POLQ: variants seen among roughly 807,000 people sequenced by gnomAD.
The protein encoded by POLQ is epididymis secretory sperm binding protein.
Under a neutral mutation model 259.2 loss-of-function variants are expected in POLQ, and 233 were observed. The observed-to-expected ratio is 0.90, with a 90% CI of 0.81 to 1.00. The LOEUF (loss-of-function observed/expected upper bound fraction) is 1.00, where lower values mean the gene tolerates loss of function less well. Among genes scored for constraint, POLQ ranks in the 50% least tolerant of loss-of-function variants. The pLI is 0.00. For missense variants in POLQ, 2,871 were observed against 3,051.6 expected, an observed-to-expected ratio of 0.94 and a Z score of 1.39; for synonymous variants, 1,025 against 1,048.8, an observed-to-expected ratio of 0.98 and a Z score of 0.44.
At chr3:121,470,395 T>G (rs1378868644) in intron 22 of POLQ, among the ~76,000 whole-genome samples, 1 of 152,096 alleles carries the variant, frequency 6.6e-6, no homozygotes, top group Non-Finnish European at 1.5e-5. Context: ...GGACAAGATA[T>G]CACTAGGATG....
chr3:121,479,790 T>C (rs2047956947), intron 19 of POLQ, among the ~76,000 whole-genome samples: 1 of 152,010 alleles, frequency 6.6e-6, no homozygotes, highest in Non-Finnish European at 1.5e-5. Context: ...AAAAAATAAT[T>C]TGAGAAGTAA....
At chr3:121,513,678 C>G (rs963663156) in intron 9 of POLQ, among the ~76,000 whole-genome samples, 6 of 151,458 alleles carry the variant, frequency 4.0e-5, no homozygotes, top group Non-Finnish European at 7.4e-5. Context: ...TACTACCCCC[C>G]TCCCCAGAAG....
intron 14 of POLQ, chr3:121,494,556 A>G: frequency 4.4e-6 from 7 of 1,582,714 alleles, no homozygotes; most frequent in Non-Finnish European, 6.0e-6. Context: ...GTGGAGAACA[A>G]GAAAGCTCAG....
chr3:121,513,189 G>A (rs187986483), intron 9 of POLQ, among the ~76,000 whole-genome samples: 34 of 151,972 alleles, frequency 2.2e-4, no homozygotes, highest in African/African-American at 7.5e-4. Context: ...CAAAGAGAAG[G>A]TACAGATTAT....
chr3:121,529,267 A>T (rs2048394100), intron 7 of POLQ, among the ~76,000 whole-genome samples: 1 of 152,224 alleles, frequency 6.6e-6, no homozygotes, highest in African/African-American at 2.4e-5. Flanking sequence ...AGAGTTACAC[A>T]TTCCTTTGGA....
intron 22 of POLQ, 101 bp from the exon 23 acceptor site, chr3:121,468,532 C>CAAT: frequency 1.4e-6 from 1 of 715,094 alleles, no homozygotes; most frequent in Middle Eastern, 2.9e-4. Flanking sequence ...TGCAGACTAT[C>CAAT]AATGCTGAAC....
At chr3:121,502,582 C>G (rs11718918) in intron 12 of POLQ, among the ~76,000 whole-genome samples, 90,230 of 151,906 alleles carry the variant, frequency 0.59, 27,818 homozygotes, top group East Asian at 0.89. Flanking sequence ...CCACAGGAGG[C>G]AGGTGGAAGC....
chr3:121,545,575 A>G, intron 1 of POLQ, 140 bp downstream of exon 1: 1 of 763,914 alleles, frequency 1.3e-6, no homozygotes, highest in Non-Finnish European at 2.1e-6. Flanking sequence ...CTGCCACACC[A>G]GGCCCCAGTC....
At position 121,541,348 on chromosome 3, in the gene POLQ, C is replaced by A. The variant is rs140109548; in HGVS notation, c.474+1G>T. The A allele has an allele frequency of 8.3e-5, 132 of 1,591,320 alleles. No homozygotes were observed. Among genetic ancestry groups the A allele is most frequent in the Non-Finnish European group, 1.1e-4 (129 of 1,170,816 alleles). On this transcript the variant is annotated splice_donor_variant, in intron 3 of 29. Transcript: ENST00000264233. LOFTEE classifies it high-confidence loss of function. ...ATTTCAAACTTAGTAAAAAACATTA[C>A]CTGGAGGTAGTATTTCTTCTCTTTA...
chr3:121,509,930 C>G (rs762220847), intron 11 of POLQ, 109 bp downstream of exon 11: 2 of 998,904 alleles, frequency 2.0e-6, no homozygotes, highest in Non-Finnish European at 3.0e-6. Flanking sequence ...CTCAAAAAAT[C>G]AAATTCCTTT....
intron 28 of POLQ, among the ~76,000 whole-genome samples, chr3:121,433,928 C>T (rs952481846): frequency 3.3e-5 from 5 of 152,188 alleles, no homozygotes; most frequent in African/African-American, 1.2e-4. Flanking sequence ...TCTGCAGTGC[C>T]AGTTTGCTCA....
rs1173726523 is a variant in POLQ, at chr3:121,541,499, C to A, written c.344-20G>T. On this transcript the variant is annotated intron_variant, in intron 2 of 29. Coordinates refer to ENST00000264233, the MANE Select transcript of POLQ (RefSeq NM_199420.4). ...TAGGAGCTAAAACATGATTATTCCA[C>A]AAGATTATAAGAAAAAAGTAATATT... 1 of 1,576,300 alleles carries A rather than the reference C, an allele frequency of 6.3e-7. No individual in the cohort carries two copies.
chr3:121,494,576 A>G, intron 14 of POLQ: 1 of 1,578,566 alleles, frequency 6.3e-7, no homozygotes, highest in South Asian at 1.1e-5. Flanking sequence ...GCTGGTGGTG[A>G]TTGCACACAA....
chr3:121,462,368 G>C (rs533605324), intron 24 of POLQ, among the ~76,000 whole-genome samples: 28 of 152,148 alleles, frequency 1.8e-4, no homozygotes, highest in Non-Finnish European at 3.8e-4. Flanking sequence ...TCAGGGATCT[G>C]AATGGAGGCA....
intron 24 of POLQ, among the ~76,000 whole-genome samples, chr3:121,466,488 C>T (rs900593041): frequency 2.6e-5 from 4 of 151,614 alleles, no homozygotes; most frequent in Non-Finnish European, 4.4e-5. Flanking sequence ...GTTGGGAGTT[C>T]GAGACCAGCC....
intron 25 of POLQ, among the ~76,000 whole-genome samples, chr3:121,456,545 C>T (rs1256172151): frequency 5.9e-5 from 9 of 152,120 alleles, no homozygotes; most frequent in Non-Finnish European, 1.2e-4. Flanking sequence ...TCTCAGGATA[C>T]AAAATCAATG....
chr3:121,490,047 TTTTA>T lies in POLQ; in HGVS notation c.2880_2883del (p.Asn960LysfsTer34). ...TTAAAGGAACTTGTATGCTCTCTAC[TTTTA>T]TTTAAGTCTTGCACTATATTTGGTG... is the stretch of plus-strand genomic sequence containing the variant. On this transcript the variant is annotated frameshift_variant, in exon 16 of 30. Transcript: ENST00000264233. LOFTEE classifies it high-confidence loss of function. 1 of 1,573,988 alleles carries T rather than the reference TTTTA, an allele frequency of 6.4e-7. No homozygotes were observed. The highest frequency in any genetic ancestry group is 8.6e-7 in the Non-Finnish European group (1 of 1,164,276).
intron 7 of POLQ, among the ~76,000 whole-genome samples, chr3:121,528,491 GCAC>G (rs1220291699): frequency 6.6e-6 from 1 of 151,832 alleles, no homozygotes; most frequent in Non-Finnish European, 1.5e-5. Flanking sequence ...TTACAGGCGT[GCAC>G]CACCACACCC....
chr3:121,495,410 G>A (rs1458354178), intron 14 of POLQ, among the ~76,000 whole-genome samples: 3 of 152,234 alleles, frequency 2.0e-5, no homozygotes, highest in East Asian at 1.9e-4. Flanking sequence ...CTCAATAGCT[G>A]CACTGTCTTG....
Sources: allele counts gnomAD v4.1 joint callset (sites outside exome capture counted in the v4.1 genomes callset), GRCh38; gene constraint gnomAD v4.1.1; transcripts MANE v1.5; gene names NCBI Gene and HGNC (gene_info 2026-07-23, HGNC 2026-07-21).